CPVL: variants seen among roughly 807,000 people sequenced by gnomAD.
The protein encoded by CPVL is probable serine carboxypeptidase CPVL.
A neutral mutation model predicts 63.7 loss-of-function variants in CPVL; 51 were observed. That is an observed-to-expected ratio of 0.80 (90% CI 0.64 to 1.01). CPVL has a LOEUF of 1.01. Among genes scored for constraint, CPVL ranks in the 50% least tolerant of loss-of-function variants. CPVL has a pLI of 0.00. For synonymous variants in CPVL, 195 were observed against 206.0 expected (o/e 0.95, Z 0.46); for missense variants, 530 against 573.1 (o/e 0.92, Z 0.77).
chr7:29,096,988 A>G (rs80219030), intron 3 of CPVL, among the ~76,000 whole-genome samples: 1 of 149,718 alleles, frequency 6.7e-6, no homozygotes, highest in Non-Finnish European at 1.5e-5. Flanking sequence ...CTGTCTCAAA[A>G]AAAAAAAAAA....
intron 10 of CPVL, 49 bp from the exon 11 acceptor site, chr7:29,064,283 G>C: frequency 8.4e-7 from 1 of 1,195,918 alleles, no homozygotes; most frequent in African/African-American, 1.5e-5. Flanking sequence ...TTGGTGGCAG[G>C]AACAGTATGT....
At chr7:29,048,921 G>A (rs1292091733) in intron 11 of CPVL, among the ~76,000 whole-genome samples, 1 of 93,218 alleles carries the variant, frequency 1.1e-5, no homozygotes, top group African/African-American at 4.6e-5. Context: ...TGATCATTGG[G>A]TCAAAAATGA....
chr7:29,195,234 T>C, exon 1 of CPVL: 1 of 436,220 alleles, frequency 2.3e-6, no homozygotes, highest in Non-Finnish European at 4.0e-6. Flanking sequence ...CGGACGCGGG[T>C]GTTCCGGGGC....
At chr7:29,140,253 A>G (rs1791729138) in intron 1 of CPVL, among the ~76,000 whole-genome samples, 1 of 152,166 alleles carries the variant, frequency 6.6e-6, no homozygotes, top group African/African-American at 2.4e-5. Context: ...CAGCCTACGC[A>G]ATGTGGCAAG....
rs1318114896 is a variant in CPVL, at chr7:29,120,901, A to C, written c.161T>G (p.Ile54Ser). 2 of 1,609,870 alleles carry C rather than the reference A, an allele frequency of 1.2e-6. No homozygotes were observed. Among genetic ancestry groups the C allele is most frequent in the Non-Finnish European group, 1.7e-6 (2 of 1,178,572 alleles). ...FLTPYIEAGKIQKGRELSLVG... is the reference protein window; with the variant it reads ...FLTPYIEAGKSQKGRELSLVG... Reference sequence around the variant, plus strand: ...TAATTAAACTTACTTACCTTTTTGGATCTTCCCAGCTTCAATGTAAGGGGT... The same window carrying C: ...TAATTAAACTTACTTACCTTTTTGGCTCTTCCCAGCTTCAATGTAAGGGGT... Residue 54 changes from isoleucine (I) to serine (S), a missense_variant, in exon 2 of 13, where the codon ATC becomes AGC. Ile to Ser is a moderately radical substitution (Grantham distance 142, BLOSUM62 -2). Coordinates refer to ENST00000265394, the MANE Select transcript of CPVL (RefSeq NM_031311.5).
intron 7 of CPVL, among the ~76,000 whole-genome samples, chr7:29,076,614 A>G (rs1784274055): frequency 6.6e-6 from 1 of 152,198 alleles, no homozygotes; most frequent in Non-Finnish European, 1.5e-5. Context: ...CTTTCTAATA[A>G]TTAAAGGAGC....
chr7:29,062,416 T>C (rs1276969899), intron 11 of CPVL, among the ~76,000 whole-genome samples: 2 of 152,236 alleles, frequency 1.3e-5, no homozygotes, highest in African/African-American at 4.8e-5. Flanking sequence ...AACACAAGGA[T>C]GGCTGAAATG....
chr7:29,161,211 G>C (rs1795132129), intron 5 of CPVL, among the ~76,000 whole-genome samples: 1 of 152,108 alleles, frequency 6.6e-6, no homozygotes, highest in African/African-American at 2.4e-5. Context: ...TCATGTCTTA[G>C]CACATGAGGG....
At chr7:29,096,783 A>C (rs998144535) in intron 3 of CPVL, among the ~76,000 whole-genome samples, 1 of 152,126 alleles carries the variant, frequency 6.6e-6, no homozygotes, top group Non-Finnish European at 1.5e-5. Flanking sequence ...CAGGAGTTCA[A>C]GACCAGCCTG....
intron 1 of CPVL, among the ~76,000 whole-genome samples, chr7:29,138,712 G>T (rs1331033750): frequency 6.6e-6 from 1 of 152,190 alleles, no homozygotes; most frequent in Non-Finnish European, 1.5e-5. Flanking sequence ...GCTGCAGTAT[G>T]ATGGACAGTC....
intron 6 of CPVL, among the ~76,000 whole-genome samples, chr7:29,087,727 C>T (rs1305390130): frequency 2.0e-5 from 3 of 152,104 alleles, no homozygotes; most frequent in African/African-American, 7.2e-5. Flanking sequence ...CTCTGAAAAC[C>T]CAGGAGGATG....
At chr7:29,075,901 G>C (rs373515908) in intron 7 of CPVL, among the ~76,000 whole-genome samples, 20 of 149,046 alleles carry the variant, frequency 1.3e-4, no homozygotes, top group African/African-American at 4.7e-4. Context: ...ATGGAAAACA[G>C]GCACTGAAAT....
At chr7:29,139,227 A>C (rs245867) in intron 1 of CPVL, among the ~76,000 whole-genome samples, 3 of 152,156 alleles carry the variant, frequency 2.0e-5, no homozygotes, top group African/African-American at 7.2e-5. Context: ...TCACTTTGCC[A>C]ACAGGTATAT....
chr7:29,081,237 G>C (rs1784682173), intron 7 of CPVL: 1 of 152,272 alleles, frequency 6.6e-6, no homozygotes, highest in South Asian at 2.1e-4. Flanking sequence ...CACTTATAAA[G>C]AAAGTTAATT....
intron 5 of CPVL, among the ~76,000 whole-genome samples, chr7:29,170,947 GC>G (rs2128724618): frequency 6.6e-6 from 1 of 152,224 alleles, no homozygotes; most frequent in South Asian, 2.1e-4. Flanking sequence ...GGAAAGACCT[GC>G]CCCCATGCTT....
intron 1 of CPVL, among the ~76,000 whole-genome samples, chr7:29,143,530 A>C (rs1792127274): frequency 6.6e-6 from 1 of 152,222 alleles, no homozygotes; most frequent in Non-Finnish European, 1.5e-5. Context: ...ATTCTCTCCC[A>C]AGAATCATAC....
In CPVL at chr7:29,030,760, C is replaced by A. The variant is rs1219608292; in HGVS notation, c.1138-1G>T. On this transcript the variant is annotated splice_acceptor_variant, in intron 11 of 12. Transcript: ENST00000265394. LOFTEE classifies it high-confidence loss of function. Reference sequence around the variant, plus strand: ...CCAGTTGGCCATTGTAGATCAGAACCTGAAATGAAATCAAGCCATCAGCAA... The same window carrying A: ...CCAGTTGGCCATTGTAGATCAGAACATGAAATGAAATCAAGCCATCAGCAA... 6.3e-7 allele frequency: 1 copy of A among 1,597,630 alleles called. No individual in the cohort carries two copies.
At chr7:29,021,937 G>A (rs1040214171) in intron 12 of CPVL, among the ~76,000 whole-genome samples, 7 of 152,132 alleles carry the variant, frequency 4.6e-5, no homozygotes, top group East Asian at 3.9e-4. Flanking sequence ...GTGCAGATGC[G>A]TCCCCAAAAC....
intron 1 of CPVL, among the ~76,000 whole-genome samples, chr7:29,187,086 G>GT (rs1449517067): frequency 1.3e-5 from 2 of 152,168 alleles, no homozygotes; most frequent in Admixed American, 6.5e-5. Flanking sequence ...CTTAAGGAGA[G>GT]TGACTTTTCT....
Sources: gnomAD v4.1 joint callset for allele counts (sites outside exome capture counted in the v4.1 genomes callset) on GRCh38, gnomAD v4.1.1 for gene constraint, MANE v1.5 for transcripts, NCBI Gene and HGNC (gene_info 2026-07-23, HGNC 2026-07-21) for gene names.